JAKMIP2: variants seen among roughly 807,000 people sequenced by gnomAD.
JAKMIP2 encodes janus kinase and microtubule-interacting protein 2.
JAKMIP2 carries 25 observed loss-of-function variants against 115.0 expected under a neutral mutation model. The ratio of observed to expected loss-of-function variants is 0.22; its 90% CI spans 0.16 to 0.30. The LOEUF (loss-of-function observed/expected upper bound fraction) is 0.30. Ranked by LOEUF, JAKMIP2 falls within the 10% of genes least tolerant of loss-of-function variation. The pLI, the probability that JAKMIP2 is intolerant of heterozygous loss-of-function variation, is 1.00. For missense variants in JAKMIP2, 642 were observed against 957.6 expected (o/e 0.67, Z 4.35); for synonymous variants, 334 against 343.6 (o/e 0.97, Z 0.31).
At chr5:147,767,489 A>C (rs2127066405) in intron 1 of JAKMIP2, among the ~76,000 whole-genome samples, 1 of 152,258 alleles carries the variant, frequency 6.6e-6, no homozygotes, top group African/African-American at 2.4e-5. Context: ...ATTACTTAAT[A>C]CCAAGGTTGG....
chr5:147,617,400 G>A (rs1303747347), intron 19 of JAKMIP2, among the ~76,000 whole-genome samples: 1 of 152,086 alleles, frequency 6.6e-6, no homozygotes, highest in East Asian at 1.9e-4. Context: ...TAAATGAAAT[G>A]ATGTAAGTAG....
At chr5:147,721,132 C>G (rs1482307624) in intron 1 of JAKMIP2, among the ~76,000 whole-genome samples, 1 of 151,830 alleles carries the variant, frequency 6.6e-6, no homozygotes, top group Non-Finnish European at 1.5e-5. Context: ...TGTGCCCCTG[C>G]TGGGGGGTGC....
intron 1 of JAKMIP2, among the ~76,000 whole-genome samples, chr5:147,674,827 T>G (rs1287291462): frequency 6.6e-6 from 1 of 152,200 alleles, no homozygotes; most frequent in African/African-American, 2.4e-5. Context: ...CAAGCTCTTT[T>G]TCTCTGGACT....
intron 20 of JAKMIP2, among the ~76,000 whole-genome samples, chr5:147,611,911 A>G (rs1756347591): frequency 6.6e-6 from 1 of 152,244 alleles, no homozygotes; most frequent in Non-Finnish European, 1.5e-5. Flanking sequence ...GTGAAACTGC[A>G]GCACAAGGAT....
chr5:147,780,940 C>G (rs932631197), intron 1 of JAKMIP2, among the ~76,000 whole-genome samples: 2 of 152,008 alleles, frequency 1.3e-5, no homozygotes, highest in Non-Finnish European at 2.9e-5. Flanking sequence ...TACACTTTAC[C>G]TACATAATTT....
At chr5:147,667,865 A>AT (rs1294603974) in intron 2 of JAKMIP2, among the ~76,000 whole-genome samples, 1 of 152,058 alleles carries the variant, frequency 6.6e-6, no homozygotes, top group Non-Finnish European at 1.5e-5. Context: ...ATGTTGGTTG[A>AT]TTTTCTGAGA....
In JAKMIP2 at chr5:147,649,526, GC is replaced by G. The variant is rs1476997344; in HGVS notation, c.837+811del. ...TTGAACCAAAGAGTCTGACTCTAGA[GC>G]CCATTCTCTTGACAACTATGCTATA... On this transcript the variant is annotated intron_variant, in intron 4 of 21. Coordinates refer to ENST00000616793, the MANE Select transcript of JAKMIP2 (RefSeq NM_001270941.2). Among the ~76,000 whole-genome samples, 13 of 152,206 alleles carry G rather than the reference GC, an allele frequency of 8.5e-5. No individual in the cohort carries two copies. In the South Asian group the frequency reaches 2.7e-3, roughly 32 times the overall value.
chr5:147,616,866 CTAAG>C (rs1290330657), intron 19 of JAKMIP2, among the ~76,000 whole-genome samples: 2 of 152,148 alleles, frequency 1.3e-5, no homozygotes, highest in Non-Finnish European at 2.9e-5. Flanking sequence ...CTGAAGTGTG[CTAAG>C]TGTCATGTCC....
rs771290823 is a variant in JAKMIP2 at position 147,587,350 on chromosome 5, T to C, written c.*4357A>G. On this transcript the variant is annotated 3_prime_UTR_variant, in exon 22 of 22. Transcript: ENST00000616793. Reference sequence around the variant, plus strand: ...GTCATTAATTACCAAAACACTGTTATGAAAATTTCACAAAAGGCAACAAGC... The same window carrying C: ...GTCATTAATTACCAAAACACTGTTACGAAAATTTCACAAAAGGCAACAAGC... 3.3e-5 allele frequency: 5 copies of C among 152,162 alleles called. No individual in the cohort carries two copies. Among genetic ancestry groups the C allele is most frequent in the Admixed American group, 6.5e-5 (1 of 15,270 alleles). 9.4% of individuals were successfully genotyped at this position (152,162 alleles called of 1,614,324 possible).
chr5:147,748,960 C>A (rs1190704115), intron 1 of JAKMIP2, among the ~76,000 whole-genome samples: 1 of 152,168 alleles, frequency 6.6e-6, no homozygotes, highest in Non-Finnish European at 1.5e-5. Flanking sequence ...CACTCTTAAC[C>A]TCACTCTTCG....
At chr5:147,595,927 T>C (rs900219562) in intron 21 of JAKMIP2, among the ~76,000 whole-genome samples, 3 of 152,188 alleles carry the variant, frequency 2.0e-5, no homozygotes, top group Non-Finnish European at 2.9e-5. Context: ...CCCCAATGTA[T>C]GTAAAATTTG....
chr5:147,605,522 T>C (rs1195364811), intron 20 of JAKMIP2, among the ~76,000 whole-genome samples: 1 of 152,224 alleles, frequency 6.6e-6, no homozygotes, highest in African/African-American at 2.4e-5. Flanking sequence ...TGCCACATTT[T>C]CTTTTTCCAA....
intron 4 of JAKMIP2, among the ~76,000 whole-genome samples, 158 bp from the exon 5 acceptor site, chr5:147,648,632 C>T (rs778638893): frequency 9.2e-5 from 14 of 152,116 alleles, no homozygotes; most frequent in Non-Finnish European, 1.9e-4. Context: ...AATATTTACC[C>T]TTTTATAACT....
chr5:147,652,056 A>C (rs1758423267), intron 3 of JAKMIP2, among the ~76,000 whole-genome samples: 1 of 152,156 alleles, frequency 6.6e-6, no homozygotes, highest in Non-Finnish European at 1.5e-5. Flanking sequence ...ATTCAGCCTC[A>C]TTATCACCAT....
intron 1 of JAKMIP2, among the ~76,000 whole-genome samples, chr5:147,767,794 C>T (rs975163823): frequency 6.6e-6 from 1 of 152,080 alleles, no homozygotes; most frequent in Non-Finnish European, 1.5e-5. Context: ...AAAAGCCATT[C>T]ATAATTTTCC....
At chr5:147,709,398 A>G (rs1752696917) in intron 1 of JAKMIP2, among the ~76,000 whole-genome samples, 1 of 152,202 alleles carries the variant, frequency 6.6e-6, no homozygotes. Flanking sequence ...ATATTTCTAT[A>G]TATAATAACA....
intron 1 of JAKMIP2, among the ~76,000 whole-genome samples, chr5:147,680,294 T>C (rs1464825417): frequency 6.6e-6 from 1 of 152,202 alleles, no homozygotes; most frequent in African/African-American, 2.4e-5. Flanking sequence ...CAGAGATCCC[T>C]GAAGAGACTA....
intron 1 of JAKMIP2, among the ~76,000 whole-genome samples, chr5:147,764,916 A>G (rs1328415163): frequency 1.1e-4 from 9 of 84,462 alleles, no homozygotes; most frequent in Admixed American, 3.8e-4. Context: ...GAAAGAAAGA[A>G]AGAAAGAGAG....
At position 147,667,177 on chromosome 5, in the gene JAKMIP2, G is replaced by A. The variant is rs181478329; in HGVS notation, c.129+4501C>T. On this transcript the variant is annotated intron_variant, in intron 2 of 21. Transcript: ENST00000616793. ...GTATGGGCCTAAAGAGTGGTGCGGG[G>A]TGGGGCAGGGTGAAGGGGAGAGCAC... is the stretch of plus-strand genomic sequence containing the variant. Among the ~76,000 whole-genome samples, 238 of 152,238 alleles carry A rather than the reference G, an allele frequency of 1.6e-3. 2 individuals are homozygous for A. The highest frequency in any genetic ancestry group is 5.6e-3 in the African/African-American group (234 of 41,550).
Sources: allele counts gnomAD v4.1 joint callset (sites outside exome capture counted in the v4.1 genomes callset), GRCh38; gene constraint gnomAD v4.1.1; transcripts MANE v1.5; gene names NCBI Gene and HGNC (gene_info 2026-07-23, HGNC 2026-07-21).